Variants in GPR176 observed in about 807,000 individuals in gnomAD.
GPR176 encodes the protein G protein-coupled receptor 176.
In GPR176, 26 loss-of-function variants were observed where a neutral mutation model predicts 35.4. The ratio of observed to expected loss-of-function variants is 0.74; its 90% CI spans 0.54 to 1.02. The LOEUF (loss-of-function observed/expected upper bound fraction) is 1.02. Among genes scored for constraint, GPR176 ranks in the 50% least tolerant of loss-of-function variants. GPR176 has a pLI of 0.00. For missense variants in GPR176, 597 were observed against 665.3 expected (o/e 0.90, Z 1.13); for synonymous variants, 278 against 271.3 (o/e 1.02, Z -0.24).
chr15:39,897,295 A>C (rs892709637), intron 1 of GPR176, among the ~76,000 whole-genome samples: 8 of 152,352 alleles, frequency 5.3e-5, no homozygotes, highest in Middle Eastern at 6.8e-3. Flanking sequence ...AACATGATAC[A>C]GCAGACACAA....
At chr15:39,847,575 C>T (rs1469343929) in intron 1 of GPR176, among the ~76,000 whole-genome samples, 1 of 151,798 alleles carries the variant, frequency 6.6e-6, no homozygotes. Flanking sequence ...GAAACCCCAT[C>T]TCTACAAAAA....
intron 1 of GPR176, among the ~76,000 whole-genome samples, chr15:39,908,988 C>T (rs2033502186): frequency 2.0e-5 from 3 of 152,126 alleles, no homozygotes; most frequent in Admixed American, 2.0e-4. Flanking sequence ...TTTAAAAAAC[C>T]ACACAAAGTA....
intron 1 of GPR176, among the ~76,000 whole-genome samples, chr15:39,818,241 C>T (rs1900045289): frequency 6.6e-6 from 1 of 152,160 alleles, no homozygotes; most frequent in Non-Finnish European, 1.5e-5. Context: ...AAGCTGATTG[C>T]TATTGGCATG....
At chr15:39,878,009 CA>C (rs1477899106) in intron 1 of GPR176, among the ~76,000 whole-genome samples, 6 of 151,670 alleles carry the variant, frequency 4.0e-5, no homozygotes, top group African/African-American at 1.5e-4. Flanking sequence ...TGTATATATT[CA>C]AGGTATACAT....
chr15:39,844,521 GA>G (rs1374522207), intron 1 of GPR176, among the ~76,000 whole-genome samples: 1 of 151,816 alleles, frequency 6.6e-6, no homozygotes, highest in African/African-American at 2.4e-5. Context: ...AAGAGATCAA[GA>G]AATCTTCTTT....
At chr15:39,821,771 C>T (rs1388712023) in intron 1 of GPR176, among the ~76,000 whole-genome samples, 1 of 152,122 alleles carries the variant, frequency 6.6e-6, no homozygotes, top group African/African-American at 2.4e-5. Context: ...TCTTATGTAA[C>T]AGAAAGAAAA....
At chr15:39,863,370 A>T (rs1266979982) in intron 1 of GPR176, among the ~76,000 whole-genome samples, 4 of 151,522 alleles carry the variant, frequency 2.6e-5, no homozygotes, top group South Asian at 4.1e-4. Flanking sequence ...TTTTAAAATA[A>T]TTTTTTCTAT....
intron 1 of GPR176, among the ~76,000 whole-genome samples, chr15:39,857,053 T>A (rs777184201): frequency 1.3e-5 from 2 of 152,124 alleles, no homozygotes; most frequent in African/African-American, 4.8e-5. Context: ...TATTTATTGG[T>A]TGAGTTTGGG....
intron 1 of GPR176, among the ~76,000 whole-genome samples, chr15:39,846,601 T>A (rs968069441): frequency 1.3e-5 from 2 of 152,170 alleles, no homozygotes; most frequent in African/African-American, 4.8e-5. Context: ...AGAAATGACA[T>A]CTTACCAATT....
rs773339133 is a variant in GPR176 at position 39,801,719 on chromosome 15, G to C, written c.961C>G (p.Leu321Val). Residue 321 changes from leucine to valine, a missense_variant, in exon 3 of 3, where the codon CTT becomes GTT. Coordinates refer to ENST00000561100, the MANE Select transcript of GPR176 (RefSeq NM_007223.3). ...VSLLANPVLF[L>V]TVNKSVRKCL... ...TTGCGGACAGATTTGTTCACAGTAA[G>C]AAAGAGAACAGGGTTTGCCAGCAGG... The C allele has an allele frequency of 2.4e-5, 38 of 1,613,214 alleles. No individual in the cohort carries two copies. The highest frequency in any genetic ancestry group is 3.0e-5 in the Non-Finnish European group (35 of 1,179,370).
intron 2 of GPR176, among the ~76,000 whole-genome samples, chr15:39,803,273 T>TTC (rs1898999583): frequency 8.4e-6 from 1 of 119,098 alleles, no homozygotes; most frequent in Non-Finnish European, 1.9e-5. Flanking sequence ...AAGTACTTCT[T>TTC]TTTTTTTTTT....
chr15:39,807,485 G>A, intron 1 of GPR176: 1 of 1,255,764 alleles, frequency 8.0e-7, no homozygotes, highest in Non-Finnish European at 1.1e-6. Context: ...TTAGTGGTGA[G>A]TTTCTCTATT....
rs1009070029 is a variant in GPR176 at position 39,847,877 on chromosome 15, T to A, written c.173-40619A>T. 5.3e-5 allele frequency among the ~76,000 whole-genome samples: 8 copies of A among 152,206 alleles called. No individual in the cohort carries two copies. The South Asian group carries it at 1.7e-3, about 32-fold the overall frequency. On this transcript the variant is annotated intron_variant, in intron 1 of 2. Coordinates refer to ENST00000561100, the MANE Select transcript of GPR176 (RefSeq NM_007223.3). Reference sequence around the variant, plus strand: ...TTATAAAGAAAGAGGTTCAATTGGTTCACAGTTCTGCAGGCTGTACAGGCT... The same window carrying A: ...TTATAAAGAAAGAGGTTCAATTGGTACACAGTTCTGCAGGCTGTACAGGCT...
At chr15:39,862,742 AAT>A (rs1289185886) in intron 1 of GPR176, among the ~76,000 whole-genome samples, 3 of 152,356 alleles carry the variant, frequency 2.0e-5, no homozygotes, top group East Asian at 3.9e-4. Context: ...TAACAGGTAC[AAT>A]TATGCACAGT....
intron 1 of GPR176, among the ~76,000 whole-genome samples, chr15:39,890,459 G>A (rs2032829838): frequency 6.8e-6 from 1 of 147,984 alleles, no homozygotes. Flanking sequence ...TGAATGGAAG[G>A]CTGAGGAGAT....
At chr15:39,837,173 T>G (rs182178247) in intron 1 of GPR176, among the ~76,000 whole-genome samples, 11 of 152,332 alleles carry the variant, frequency 7.2e-5, no homozygotes, top group Admixed American at 7.2e-4. Flanking sequence ...GCCAGTCATC[T>G]TTTAAAGACC....
intron 1 of GPR176, among the ~76,000 whole-genome samples, chr15:39,820,503 T>C (rs966604415): frequency 3.3e-5 from 5 of 152,142 alleles, no homozygotes; most frequent in Non-Finnish European, 7.4e-5. Flanking sequence ...ATTGGCACAA[T>C]GGTAGCATGG....
intron 1 of GPR176, among the ~76,000 whole-genome samples, chr15:39,874,500 G>A (rs1193907089): frequency 6.6e-6 from 1 of 152,050 alleles, no homozygotes; most frequent in Non-Finnish European, 1.5e-5. Context: ...ATCTTGCTAT[G>A]TATTGTTAGC....
rs552918782 is a variant in GPR176, at chr15:39,914,031, G to A, written c.172+5824C>T. Among the ~76,000 whole-genome samples, 6 of 152,282 alleles carry A rather than the reference G, an allele frequency of 3.9e-5. No homozygotes were observed. In the South Asian group the frequency reaches 1.0e-3, roughly 26 times the overall value. On this transcript the variant is annotated intron_variant, in intron 1 of 2. Transcript: ENST00000561100. ...ACCGCACTCCAGCCTGGACAACAGA[G>A]TGAGACTCAGTCTCAAAAAACAAAC... is the stretch of plus-strand genomic sequence containing the variant.
Sources: allele counts gnomAD v4.1 joint callset (sites outside exome capture counted in the v4.1 genomes callset), GRCh38; gene constraint gnomAD v4.1.1; transcripts MANE v1.5; gene names NCBI Gene and HGNC (gene_info 2026-07-23, HGNC 2026-07-21).